ZNF185: variants seen among roughly 807,000 people sequenced by gnomAD.
The protein encoded by ZNF185 is zinc finger protein 185.
In ZNF185, 56 loss-of-function variants were observed where a neutral mutation model predicts 58.6. That is an observed-to-expected ratio of 0.95 (90% CI 0.77 to 1.19). The LOEUF (loss-of-function observed/expected upper bound fraction) is 1.19, where lower values mean the gene tolerates loss of function less well. Among genes scored for constraint, ZNF185 ranks in the 50% most tolerant of loss-of-function variants. The pLI is 0.00. For synonymous variants in ZNF185, 230 were observed against 215.9 expected, an observed-to-expected ratio of 1.07 and a Z score of -0.57; for missense variants, 627 against 573.5, an observed-to-expected ratio of 1.09 and a Z score of -0.95.
chrX:152,914,403 C>T (rs971203926), upstream of ZNF185: 1 of 905,595 alleles, frequency 1.1e-6, no homozygotes, highest in Non-Finnish European at 1.5e-6. Context: ...CAAGACACTA[C>T]AAATGCATGA....
chrX:152,904,213 C>T, the ZNF185 span, among the ~76,000 whole-genome samples: 7 of 112,217 alleles, frequency 6.2e-5, no homozygotes, highest in African/African-American at 2.3e-4. Flanking sequence ...CAAGAGGGGC[C>T]CAGCCTAGGC....
At chrX:152,941,342 G>A (rs2047154900) in intron 15 of ZNF185, among the ~76,000 whole-genome samples, 1 of 112,273 alleles carries the variant, frequency 8.9e-6, no homozygotes, top group African/African-American at 3.2e-5. Flanking sequence ...GCAGAGATCT[G>A]GGATGCTGCC....
chrX:152,936,234 C>T (rs1024641184), intron 14 of ZNF185, among the ~76,000 whole-genome samples, 184 bp from the exon 16 acceptor site: 2 of 112,817 alleles, frequency 1.8e-5, no homozygotes, highest in Admixed American at 1.9e-4. Flanking sequence ...CAGAGGGCAA[C>T]CACTATGCCA....
At chrX:152,919,865 AG>A (rs1939348784) in intron 7 of ZNF185, among the ~76,000 whole-genome samples, 1 of 112,752 alleles carries the variant, frequency 8.9e-6, no homozygotes, top group Non-Finnish European at 1.9e-5. Flanking sequence ...GGCTATCCTC[AG>A]GGAACAGTTC....
chrX:152,939,925 G>T (rs782295345), intron 15 of ZNF185, among the ~76,000 whole-genome samples: 1 of 110,066 alleles, frequency 9.1e-6, no homozygotes, highest in South Asian at 4.0e-4. Context: ...TGGGATTACA[G>T]GCACATGCCA....
chrX:152,963,809 C>T (rs782041680), intron 17 of ZNF185, 30 bp from the exon 20 acceptor site: 25 of 1,183,367 alleles, frequency 2.1e-5, no homozygotes, highest in South Asian at 7.4e-5. Flanking sequence ...CCCAGGTTGA[C>T]GTGCCCACCC....
intron 15 of ZNF185, among the ~76,000 whole-genome samples, chrX:152,942,478 A>G (rs919398467): frequency 6.2e-5 from 7 of 112,107 alleles, no homozygotes; most frequent in African/African-American, 1.9e-4. Context: ...ATCGGTTTGT[A>G]TATGTAAAGC....
chrX:152,922,772 C>A (rs782533850), exon 11 of ZNF185: 1 of 1,200,347 alleles, frequency 8.3e-7, no homozygotes, highest in African/African-American at 1.7e-5. Context: ...CGAGTGCCTG[C>A]CAAGTATGCC....
At chrX:152,965,802 G>A (rs1222801832) in intron 19 of ZNF185, among the ~76,000 whole-genome samples, 1 of 108,806 alleles carries the variant, frequency 9.2e-6, no homozygotes, top group Non-Finnish European at 1.9e-5. Context: ...TTTGTAAAAT[G>A]CTGAGAACAC....
the ZNF185 span, among the ~76,000 whole-genome samples, chrX:152,900,800 G>A: frequency 8.9e-6 from 1 of 112,484 alleles, no homozygotes; most frequent in East Asian, 2.8e-4. Context: ...TAAGAGAATG[G>A]CTCAGAGGTC....
chrX:152,916,651 C>T (rs1938543311), intron 3 of ZNF185, among the ~76,000 whole-genome samples: 1 of 112,428 alleles, frequency 8.9e-6, no homozygotes, highest in African/African-American at 3.2e-5. Flanking sequence ...TGGGCTCTCC[C>T]CTTCAAGCCC....
chrX:152,931,677 C>T (rs1382092408), exon 13 of ZNF185: 2 of 1,208,036 alleles, frequency 1.7e-6, no homozygotes, highest in Admixed American at 2.2e-5. Flanking sequence ...CATAGGTCTT[C>T]CCCAGGCAAC....
At chrX:152,937,035 A>G (rs1221070533) in intron 14 of ZNF185, among the ~76,000 whole-genome samples, 3 of 111,727 alleles carry the variant, frequency 2.7e-5, no homozygotes, top group African/African-American at 6.5e-5. Flanking sequence ...TCACCCACCA[A>G]TCCACCAGTG....
intron 16 of ZNF185, among the ~76,000 whole-genome samples, chrX:152,954,141 A>ACC: frequency 9.0e-6 from 1 of 111,177 alleles, no homozygotes; most frequent in Non-Finnish European, 1.9e-5. Flanking sequence ...AAATAATAAA[A>ACC]AAAAAAAAGC....
chrX:152,952,301 T>C (rs1017674788), intron 16 of ZNF185, among the ~76,000 whole-genome samples: 55 of 112,678 alleles, frequency 4.9e-4, no homozygotes, highest in African/African-American at 1.5e-3. Flanking sequence ...GGTTAGTTTT[T>C]ATAAGAATAC....
intron 16 of ZNF185, among the ~76,000 whole-genome samples, chrX:152,951,510 A>C (rs954738626): frequency 2.2e-4 from 24 of 111,605 alleles, no homozygotes; most frequent in Non-Finnish European, 3.4e-4. Flanking sequence ...GGAAAAGCAT[A>C]TTTGCATACA....
chrX:152,917,650 G>T lies in ZNF185; in HGVS notation c.341+288G>T, dbSNP rs782476930. On this transcript the variant is annotated intron_variant, in intron 5 of 22. Coordinates refer to ENST00000449285, the Ensembl canonical transcript of ZNF185. ...CTGACTAGGCCTGGCTAATGGGACA[G>T]AGAGGTGCAGGAGTTTGGGAGGGGC... is the stretch of plus-strand genomic sequence containing the variant. Among the ~76,000 whole-genome samples the T allele has an allele frequency of 2.7e-5, 3 of 112,626 alleles. No individual in the cohort carries two copies. The South Asian group carries it at 1.1e-3, about 41-fold the overall frequency.
chrX:152,939,492 G>A lies in ZNF185; in HGVS notation c.1211+1329G>A, dbSNP rs782677341. ...TAAGAAAATCCTCAGGAGAAACTAC[G>A]AAAAACTAGTTTATGAAATCTTGTC... On this transcript the variant is annotated intron_variant, in intron 15 of 22. Coordinates refer to ENST00000449285, the Ensembl canonical transcript of ZNF185. 2.0e-4 allele frequency among the ~76,000 whole-genome samples: 22 copies of A among 112,100 alleles called. No homozygotes were observed. In the South Asian group the frequency reaches 3.3e-3, roughly 17 times the overall value.
chrX:152,941,681 G>A (rs2047205208), intron 15 of ZNF185: 2 of 1,161,579 alleles, frequency 1.7e-6, no homozygotes, highest in Admixed American at 2.6e-5. Flanking sequence ...AGTGCCCGCC[G>A]GGAAAATGCG....
Sources: allele counts gnomAD v4.1 joint callset (sites outside exome capture counted in the v4.1 genomes callset), GRCh38; gene constraint gnomAD v4.1.1; transcripts MANE v1.5; gene names NCBI Gene and HGNC (gene_info 2026-07-23, HGNC 2026-07-21).